The following RERE variants were observed in gnomAD, a reference collection of about 807,000 sequenced individuals.
The protein encoded by RERE is arginine-glutamic acid dipeptide repeats, also known as arginine-glutamic acid dipeptide repeats protein.
A neutral mutation model predicts 146.1 loss-of-function variants in RERE; 40 were observed. The ratio of observed to expected loss-of-function variants is 0.27; its 90% CI spans 0.21 to 0.36. RERE has a LOEUF of 0.36. Ranked by LOEUF, RERE falls within the 10% of genes least tolerant of loss-of-function variation. The probability of loss-of-function intolerance (pLI) is 1.00; values close to 1 mark genes in which losing one functional copy is unlikely to be tolerated. For missense variants in RERE, 1,933 were observed against 2,138.7 expected (o/e 0.90, Z 1.90); for synonymous variants, 1,003 against 866.0 (o/e 1.16, Z -2.78).
At chr1:8,382,067 A>G (rs1198180848) in intron 12 of RERE, among the ~76,000 whole-genome samples, 4 of 152,276 alleles carry the variant, frequency 2.6e-5, no homozygotes, top group African/African-American at 9.6e-5. Context: ...AGGATTAGTA[A>G]TAACACAGGA....
At chr1:8,510,653 C>A (rs1362944730) in intron 7 of RERE, among the ~76,000 whole-genome samples, 11 of 152,236 alleles carry the variant, frequency 7.2e-5, no homozygotes, top group African/African-American at 2.4e-4. Flanking sequence ...TTGTCCTTTT[C>A]TATTTTCTAA....
At chr1:8,775,947 G>A (rs2124553610) in intron 1 of RERE, among the ~76,000 whole-genome samples, 1 of 152,262 alleles carries the variant, frequency 6.6e-6, no homozygotes, top group African/African-American at 2.4e-5. Flanking sequence ...TTTAAACCCA[G>A]GCGGTCTTGG....
intron 1 of RERE, among the ~76,000 whole-genome samples, chr1:8,660,662 C>A (rs978685305): frequency 6.6e-6 from 1 of 152,210 alleles, no homozygotes; most frequent in Non-Finnish European, 1.5e-5. Context: ...CAGGCACCAA[C>A]TTCTCCTACA....
At chr1:8,585,205 T>C (rs1018728277) in intron 4 of RERE, among the ~76,000 whole-genome samples, 1 of 151,422 alleles carries the variant, frequency 6.6e-6, no homozygotes, top group African/African-American at 2.4e-5. Flanking sequence ...CCTTGTGTCC[T>C]TGAGAACCAG....
intron 1 of RERE, among the ~76,000 whole-genome samples, chr1:8,790,415 G>C (rs987807995): frequency 6.6e-6 from 1 of 152,070 alleles, no homozygotes; most frequent in African/African-American, 2.4e-5. Context: ...TAAATGAATA[G>C]ATTTAATACC....
At chr1:8,628,047 A>T (rs1646995177) in intron 2 of RERE, among the ~76,000 whole-genome samples, 1 of 152,182 alleles carries the variant, frequency 6.6e-6, no homozygotes, top group African/African-American at 2.4e-5. Context: ...GACCACTGTT[A>T]CTTTTCCTTA....
intron 11 of RERE, among the ~76,000 whole-genome samples, chr1:8,463,074 T>G (rs1644546881): frequency 6.6e-6 from 1 of 152,160 alleles, no homozygotes; most frequent in South Asian, 2.1e-4. Flanking sequence ...AGCAGGTGTT[T>G]TTTCACAGCC....
chr1:8,596,317 T>G (rs943212933), intron 4 of RERE, among the ~76,000 whole-genome samples: 1 of 152,172 alleles, frequency 6.6e-6, no homozygotes, highest in Non-Finnish European at 1.5e-5. Flanking sequence ...ATAAACACTT[T>G]GCTGTGTATA....
chr1:8,501,296 C>T (rs1378239449), intron 8 of RERE, among the ~76,000 whole-genome samples: 1 of 124,842 alleles, frequency 8.0e-6, no homozygotes, highest in Non-Finnish European at 1.7e-5. Flanking sequence ...AGTGAGGACC[C>T]CTCTGCCCGG....
At chr1:8,445,659 C>A (rs1644306865) in intron 11 of RERE, among the ~76,000 whole-genome samples, 1 of 151,986 alleles carries the variant, frequency 6.6e-6, no homozygotes, top group East Asian at 1.9e-4. Context: ...TCTCCATCAG[C>A]AACCACCTGC....
At chr1:8,726,147 C>CTTTTTTTTTTTTTTTTTTTTTTTTTTT (rs70985511) in intron 1 of RERE, among the ~76,000 whole-genome samples, 1 of 69,406 alleles carries the variant, frequency 1.4e-5, no homozygotes, top group African/African-American at 6.5e-5. Context: ...TTTTTCTTTT[C>CTTTTTTTTTTTTTTTTTTTTTTTTTTT]TTTTTTTTTT....
At chr1:8,550,463 C>A (rs1447411408) in intron 6 of RERE, among the ~76,000 whole-genome samples, 1 of 152,152 alleles carries the variant, frequency 6.6e-6, no homozygotes, top group Admixed American at 6.5e-5. Flanking sequence ...TCTTAAACTG[C>A]AAAACTAAGA....
At position 8,489,718 on chromosome 1, in the gene RERE, A is replaced by G. The variant is rs536451564; in HGVS notation, c.1104+5345T>C. Among the ~76,000 whole-genome samples the G allele has an allele frequency of 3.3e-5, 5 of 152,218 alleles. No individual in the cohort carries two copies. In the South Asian group the frequency reaches 6.2e-4, roughly 19 times the overall value. On this transcript the variant is annotated intron_variant, in intron 10 of 22. Coordinates refer to ENST00000400908, the MANE Select transcript of RERE (RefSeq NM_001042681.2). ...GTGAAGATGCTAAAGACGTAAAATT[A>G]TAACACACTACTGATGGGAATCTAA...
Position 8,362,786 on chromosome 1 carries a change from G to A in RERE, c.1799C>T (p.Ser600Leu). 1 of 1,614,196 alleles carries A rather than the reference G, an allele frequency of 6.2e-7. No individual in the cohort carries two copies. The highest frequency in any genetic ancestry group is 8.5e-7 in the Non-Finnish European group (1 of 1,180,034). Residue 600 changes from serine to leucine, a missense_variant, in exon 16 of 23, where the codon TCA (serine) becomes TTA (leucine). Coordinates refer to ENST00000400908, the MANE Select transcript of RERE (RefSeq NM_001042681.2). ...GGAGCGGATGTCTTCATTGATGGGTGAGGTGCGACCATCAGGGCTGGCTGG... is the reference window on the plus strand; with the variant it reads ...GGAGCGGATGTCTTCATTGATGGGTAAGGTGCGACCATCAGGGCTGGCTGG... ...KQPASPDGRT[S>L]PINEDIRSSG...
intron 1 of RERE, among the ~76,000 whole-genome samples, chr1:8,722,240 T>G (rs1639878054): frequency 6.6e-6 from 1 of 152,208 alleles, no homozygotes; most frequent in South Asian, 2.1e-4. Flanking sequence ...TGCCTCAACC[T>G]TTGCTAACCT....
At chr1:8,417,321 G>A (rs1376169548) in intron 12 of RERE, among the ~76,000 whole-genome samples, 1 of 152,110 alleles carries the variant, frequency 6.6e-6, no homozygotes, top group Non-Finnish European at 1.5e-5. Context: ...TTTGCCTGAA[G>A]AAAAAAGTAC....
chr1:8,406,503 C>CA (rs1235139399), intron 12 of RERE, among the ~76,000 whole-genome samples: 1 of 152,068 alleles, frequency 6.6e-6, no homozygotes, highest in Non-Finnish European at 1.5e-5. Context: ...ACCACACACG[C>CA]ACACACACAA....
At chr1:8,557,664 AC>A in intron 4 of RERE, 141 bp from the exon 5 acceptor site, 1 of 653,606 alleles carries the variant, frequency 1.5e-6, no homozygotes, top group Admixed American at 2.7e-5. Flanking sequence ...CCACAACAAT[AC>A]ATAAGTCAGT....
At chr1:8,639,410 T>G (rs146526624) in intron 2 of RERE, among the ~76,000 whole-genome samples, 1,588 of 152,328 alleles carry the variant, frequency 0.01, 10 homozygotes, top group Non-Finnish European at 0.016. Context: ...AAATATCTAT[T>G]TTGGGGATAG....
Sources: allele counts gnomAD v4.1 joint callset (sites outside exome capture counted in the v4.1 genomes callset), GRCh38; gene constraint gnomAD v4.1.1; transcripts MANE v1.5; gene names NCBI Gene and HGNC (gene_info 2026-07-23, HGNC 2026-07-21).